KIAA1328: variants seen among roughly 807,000 people sequenced by gnomAD.
KIAA1328 encodes KIAA1328.
In KIAA1328, 52 loss-of-function variants were observed where a neutral mutation model predicts 68.1. The ratio of observed to expected loss-of-function variants is 0.76; its 90% CI spans 0.61 to 0.96. The LOEUF is 0.96. Among genes scored for constraint, KIAA1328 ranks in the 40% least tolerant of loss-of-function variants. KIAA1328 has a pLI of 0.00. For missense variants in KIAA1328, 641 were observed against 677.6 expected (o/e 0.95, Z 0.60); for synonymous variants, 232 against 239.4 (o/e 0.97, Z 0.28).
At chr18:37,117,981 TA>T (rs1471656907) in intron 7 of KIAA1328, among the ~76,000 whole-genome samples, 1 of 150,588 alleles carries the variant, frequency 6.6e-6, no homozygotes, top group African/African-American at 2.4e-5. Context: ...CCCATGGCCA[TA>T]ACTGGTATGT....
chr18:36,837,685 C>T lies in KIAA1328; in HGVS notation c.237+2309C>T, dbSNP rs531643009. Among the ~76,000 whole-genome samples the T allele has an allele frequency of 2.6e-5, 4 of 151,916 alleles. No homozygotes were observed. The South Asian group carries it at 8.3e-4, about 31-fold the overall frequency. ...TAATCCAAGGTCACAAATATTTGTG[C>T]CTATTTTTTTTCTAAGAATTTTAAA... On this transcript the variant is annotated intron_variant, in intron 3 of 9. Coordinates refer to ENST00000280020, the MANE Select transcript of KIAA1328 (RefSeq NM_020776.3).
chr18:37,168,205 A>T (rs527240141), intron 8 of KIAA1328, among the ~76,000 whole-genome samples: 4 of 152,298 alleles, frequency 2.6e-5, no homozygotes, highest in African/African-American at 9.6e-5. Flanking sequence ...TTGTTTGTTG[A>T]CTCTGCCATA....
chr18:37,216,580 G>A (rs1054134565), intron 9 of KIAA1328, among the ~76,000 whole-genome samples: 10 of 152,136 alleles, frequency 6.6e-5, no homozygotes, highest in African/African-American at 2.4e-4. Flanking sequence ...TAAATGTGAT[G>A]CGGTGCTGAG....
chr18:37,146,773 G>A (rs190363186), intron 7 of KIAA1328, among the ~76,000 whole-genome samples: 7 of 152,274 alleles, frequency 4.6e-5, no homozygotes, highest in South Asian at 2.1e-4. Context: ...GCAACTTTAC[G>A]TAGAATGTAA....
At chr18:36,921,403 T>G (rs2049916257) in intron 5 of KIAA1328, among the ~76,000 whole-genome samples, 1 of 152,114 alleles carries the variant, frequency 6.6e-6, no homozygotes, top group South Asian at 2.1e-4. Context: ...CTTTACTTAT[T>G]ATTTGTTTGT....
chr18:37,162,397 T>C (rs2059300833), intron 8 of KIAA1328, among the ~76,000 whole-genome samples: 1 of 152,218 alleles, frequency 6.6e-6, no homozygotes, highest in South Asian at 2.1e-4. Context: ...TTTCCTTTTC[T>C]TTTATTCTAA....
chr18:37,176,727 A>C (rs998182248), intron 9 of KIAA1328, among the ~76,000 whole-genome samples: 5 of 152,194 alleles, frequency 3.3e-5, no homozygotes, highest in African/African-American at 9.7e-5. Context: ...ACTTAAATAA[A>C]TACCTTTCCT....
At chr18:37,058,467 C>T (rs937698736) in intron 6 of KIAA1328, among the ~76,000 whole-genome samples, 3 of 152,148 alleles carry the variant, frequency 2.0e-5, no homozygotes, top group African/African-American at 7.2e-5. Context: ...AATCCTAGCA[C>T]TTTGGGAGGC....
chr18:37,201,609 G>A (rs574795488), intron 9 of KIAA1328, among the ~76,000 whole-genome samples: 19 of 152,268 alleles, frequency 1.2e-4, no homozygotes, highest in African/African-American at 3.1e-4. Flanking sequence ...GTGGTTGGCC[G>A]TATAGTATTC....
At chr18:37,041,590 G>T (rs1319131089) in intron 6 of KIAA1328, among the ~76,000 whole-genome samples, 1 of 150,816 alleles carries the variant, frequency 6.6e-6, no homozygotes, top group East Asian at 1.9e-4. Flanking sequence ...TTTTCTATAT[G>T]CCCATCGATG....
chr18:37,090,713 T>C (rs1369508930), intron 7 of KIAA1328, among the ~76,000 whole-genome samples: 1 of 152,204 alleles, frequency 6.6e-6, no homozygotes, highest in East Asian at 1.9e-4. Context: ...CTCAGAGGCA[T>C]TTAGGACATT....
chr18:37,043,981 C>T (rs1006448969), intron 6 of KIAA1328, among the ~76,000 whole-genome samples: 1 of 152,130 alleles, frequency 6.6e-6, no homozygotes, highest in Non-Finnish European at 1.5e-5. Flanking sequence ...ACAATAAAAA[C>T]ACAGGGTTTA....
At chr18:37,194,643 T>A (rs2059968864) in intron 9 of KIAA1328, among the ~76,000 whole-genome samples, 1 of 152,122 alleles carries the variant, frequency 6.6e-6, no homozygotes, top group African/African-American at 2.4e-5. Flanking sequence ...AATAGTTTGT[T>A]ATGGTTGCTT....
At chr18:37,007,377 G>T (rs2053821663) in intron 6 of KIAA1328, among the ~76,000 whole-genome samples, 1 of 152,170 alleles carries the variant, frequency 6.6e-6, no homozygotes, top group African/African-American at 2.4e-5. Context: ...AAGGCATGAG[G>T]TGATCTTAAT....
chr18:37,179,291 A>C (rs758555176), intron 9 of KIAA1328, among the ~76,000 whole-genome samples: 1 of 152,200 alleles, frequency 6.6e-6, no homozygotes, highest in African/African-American at 2.4e-5. Context: ...GCATGTCTGC[A>C]TGTGGATATC....
intron 6 of KIAA1328, among the ~76,000 whole-genome samples, chr18:37,019,678 CTGGGCG>C (rs1568298848): frequency 6.6e-6 from 1 of 152,220 alleles, no homozygotes; most frequent in Non-Finnish European, 1.5e-5. Flanking sequence ...GACTATCCAC[CTGGGCG>C]TGGAACAGAG....
intron 7 of KIAA1328, among the ~76,000 whole-genome samples, chr18:37,139,784 T>C (rs2058728726): frequency 6.6e-6 from 1 of 152,186 alleles, no homozygotes. Flanking sequence ...TATATGGTGT[T>C]CTAACTTGAA....
At chr18:37,117,877 A>T (rs1378659754) in intron 7 of KIAA1328, among the ~76,000 whole-genome samples, 6 of 119,786 alleles carry the variant, frequency 5.0e-5, no homozygotes, top group South Asian at 2.8e-4. Context: ...TAGTTGGTTT[A>T]AAAAAAAAAA....
intron 4 of KIAA1328, among the ~76,000 whole-genome samples, chr18:36,862,777 A>G (rs940312412): frequency 2.6e-5 from 4 of 152,196 alleles, no homozygotes; most frequent in Non-Finnish European, 4.4e-5. Flanking sequence ...ACCATTTTAC[A>G]TTCCCAACAG....
Sources: allele counts gnomAD v4.1 joint callset (sites outside exome capture counted in the v4.1 genomes callset), GRCh38; gene constraint gnomAD v4.1.1; transcripts MANE v1.5; gene names NCBI Gene and HGNC (gene_info 2026-07-23, HGNC 2026-07-21).